The following PDE4D variants were observed in gnomAD, a reference collection of about 807,000 sequenced individuals.
PDE4D encodes 3',5'-cyclic-AMP phosphodiesterase 4D.
Under a neutral mutation model 87.4 loss-of-function variants are expected in PDE4D, and 24 were observed. The observed-to-expected ratio is 0.27, with a 90% CI of 0.20 to 0.39. The LOEUF (loss-of-function observed/expected upper bound fraction) is 0.39. Among genes scored for constraint, PDE4D ranks in the 10% least tolerant of loss-of-function variants. The pLI, the probability that PDE4D is intolerant of heterozygous loss-of-function variation, is 1.00. For synonymous variants in PDE4D, 384 were observed against 383.2 expected (o/e 1.00, Z -0.02); for missense variants, 714 against 1,041.0 (o/e 0.69, Z 4.32).
At chr5:60,437,536 A>G (rs1583767570) in intron 1 of PDE4D, among the ~76,000 whole-genome samples, 1 of 152,084 alleles carries the variant, frequency 6.6e-6, no homozygotes, top group Non-Finnish European at 1.5e-5. Flanking sequence ...TTGGACTCCA[A>G]GGTTCTCTCT....
At chr5:59,594,413 C>T (rs142010988) in intron 1 of PDE4D, among the ~76,000 whole-genome samples, 17,923 of 151,714 alleles carry the variant, frequency 0.12, 1,225 homozygotes, top group African/African-American at 0.17. Flanking sequence ...TTCCGCCTCC[C>T]GGGTTCAAGC....
chr5:59,997,804 G>T (rs1179133800), intron 2 of PDE4D, among the ~76,000 whole-genome samples: 5 of 152,160 alleles, frequency 3.3e-5, no homozygotes, highest in African/African-American at 9.7e-5. Context: ...AATATTTATT[G>T]TATTACATAT....
At position 60,041,360 on chromosome 5, in the gene PDE4D, C is replaced by T. The variant is rs193124259; in HGVS notation, c.43-52643G>A. ...GTCATGTTTCAATCACCCTCTGAGA[C>T]GAAGCCACACACAGATGAAACAATA... On this transcript the variant is annotated intron_variant, in intron 2 of 16. Coordinates refer to the PDE4D transcript ENST00000502484. Among the ~76,000 whole-genome samples, 7 of 152,254 alleles carry T rather than the reference C, an allele frequency of 4.6e-5. No individual in the cohort carries two copies. In the East Asian group the frequency reaches 5.8e-4, roughly 13 times the overall value.
intron 1 of PDE4D, among the ~76,000 whole-genome samples, chr5:59,497,138 C>A (rs1210672183): frequency 6.6e-6 from 1 of 152,132 alleles, no homozygotes; most frequent in Non-Finnish European, 1.5e-5. Context: ...ACATTTTACA[C>A]CACAGTCATA....
chr5:59,270,614 T>C (rs552733431), intron 1 of PDE4D, among the ~76,000 whole-genome samples: 5 of 152,310 alleles, frequency 3.3e-5, no homozygotes, highest in African/African-American at 4.8e-5. Flanking sequence ...AAAGCTATTT[T>C]TCAACAACCA....
intron 1 of PDE4D, among the ~76,000 whole-genome samples, chr5:59,495,750 C>G (rs1486642709): frequency 6.6e-6 from 1 of 152,160 alleles, no homozygotes; most frequent in East Asian, 1.9e-4. Flanking sequence ...GTTCCCTTGT[C>G]CCCCTTGCAA....
rs1338678632 is a variant in PDE4D at position 59,287,716 on chromosome 5, C to CAGAGAG, written c.456-71749_456-71748insCTCTCT. Among the ~76,000 whole-genome samples, 6 of 137,914 alleles carry CAGAGAG rather than the reference C, an allele frequency of 4.4e-5. No homozygotes were observed. The East Asian group carries it at 1.3e-3, about 30-fold the overall frequency. The allele number at this position is 137,914 out of a possible 152,430, so 90.5% of individuals were successfully genotyped here. ...CCCAGATCCAGGAAACAGAGACACACACAGAGAGAGAGAGAGAGAGACAGA... is the reference window on the plus strand; with the variant it reads ...CCCAGATCCAGGAAACAGAGACACACAGAGAGACAGAGAGAGAGAGAGAGAGACAGA... On this transcript the variant is annotated intron_variant, in intron 1 of 14. Transcript: ENST00000340635.
chr5:59,525,198 G>T (rs1443595462), intron 1 of PDE4D, among the ~76,000 whole-genome samples: 1 of 152,234 alleles, frequency 6.6e-6, no homozygotes, highest in East Asian at 1.9e-4. Flanking sequence ...AAAGCAGCCA[G>T]GAGGGGACTG....
intron 2 of PDE4D, among the ~76,000 whole-genome samples, chr5:60,069,123 C>A (rs1351106218): frequency 6.6e-6 from 1 of 152,136 alleles, no homozygotes; most frequent in African/African-American, 2.4e-5. Context: ...TATGTGTATT[C>A]TTGACACCTT....
At chr5:60,188,509 C>G (rs1333968222) in intron 1 of PDE4D, 1 of 152,094 alleles carries the variant, frequency 6.6e-6, no homozygotes, top group Non-Finnish European at 1.5e-5. Context: ...CAAATGCAAG[C>G]AAGCAGGAGG....
At chr5:59,637,667 C>G (rs1041217664) in intron 1 of PDE4D, among the ~76,000 whole-genome samples, 1 of 151,994 alleles carries the variant, frequency 6.6e-6, no homozygotes, top group Non-Finnish European at 1.5e-5. Context: ...AACCAAACAC[C>G]GCATGTTCTC....
At chr5:60,460,772 G>A in intron 1 of PDE4D, 1 of 602,424 alleles carries the variant, frequency 1.7e-6, no homozygotes, top group Non-Finnish European at 3.0e-6. Flanking sequence ...CAGACCACAA[G>A]TCTCCTTGCT....
intron 2 of PDE4D, among the ~76,000 whole-genome samples, chr5:60,128,743 C>T (rs1343749725): frequency 6.6e-6 from 1 of 152,198 alleles, no homozygotes; most frequent in Non-Finnish European, 1.5e-5. Context: ...TTGGAAGCAA[C>T]TCAGAGGGGC....
intron 1 of PDE4D, among the ~76,000 whole-genome samples, chr5:59,647,874 T>C (rs1436907022): frequency 1.3e-5 from 2 of 152,198 alleles, no homozygotes; most frequent in African/African-American, 4.8e-5. Context: ...TTATATATCT[T>C]TGCAGGAAAA....
intron 5 of PDE4D, among the ~76,000 whole-genome samples, chr5:59,144,191 T>C (rs537335915): frequency 2.0e-4 from 31 of 152,312 alleles, no homozygotes; most frequent in African/African-American, 5.8e-4. Flanking sequence ...AGGCAGTCAG[T>C]TGTGCACAAA....
chr5:60,464,908 CCTA>C (rs1367424456), intron 1 of PDE4D, among the ~76,000 whole-genome samples: 1 of 152,060 alleles, frequency 6.6e-6, no homozygotes. Flanking sequence ...TCAATACCAG[CCTA>C]GACAATAAAG....
chr5:60,232,373 T>C (rs947998448), intron 1 of PDE4D, among the ~76,000 whole-genome samples: 3 of 151,916 alleles, frequency 2.0e-5, no homozygotes. Flanking sequence ...GGAATAAACC[T>C]ACTTCTTGCA....
At chr5:60,015,080 C>T (rs1164653991) in intron 2 of PDE4D, among the ~76,000 whole-genome samples, 4 of 152,162 alleles carry the variant, frequency 2.6e-5, no homozygotes, top group South Asian at 4.1e-4. Context: ...TACAACAATC[C>T]CTGTCTCATC....
At position 59,690,415 on chromosome 5, in the gene PDE4D, C is replaced by T. The variant is rs1371072986; in HGVS notation, c.455+202753G>A. 3.3e-5 allele frequency among the ~76,000 whole-genome samples: 5 copies of T among 152,246 alleles called. No individual in the cohort carries two copies. The East Asian group carries it at 7.7e-4, about 23-fold the overall frequency. ...AATAGAGCCCTCAGAAATAATACTA[C>T]ACATCTTCAACCATCTGATCTTTGA... On this transcript the variant is annotated intron_variant, in intron 1 of 14. Coordinates refer to ENST00000340635, the MANE Select transcript of PDE4D (RefSeq NM_001104631.2).
Sources: gnomAD v4.1 joint callset for allele counts (sites outside exome capture counted in the v4.1 genomes callset) on GRCh38, gnomAD v4.1.1 for gene constraint, MANE v1.5 for transcripts, NCBI Gene and HGNC (gene_info 2026-07-23, HGNC 2026-07-21) for gene names.